MGST1: variants seen among roughly 807,000 people sequenced by gnomAD.
MGST1 encodes the protein glutathione S-transferase 12.
MGST1 carries 5 observed loss-of-function variants against 8.9 expected under a neutral mutation model. The observed-to-expected ratio is 0.56, with a 90% CI of 0.29 to 1.19. The LOEUF (loss-of-function observed/expected upper bound fraction) is 1.19, where lower values mean the gene tolerates loss of function less well. Ranked by LOEUF, MGST1 falls within the 50% of genes most tolerant of loss-of-function variation. The pLI is 0.08. For synonymous variants in MGST1, 54 were observed against 67.8 expected (o/e 0.80, Z 1.00); for missense variants, 182 against 187.4 (o/e 0.97, Z 0.17).
chr12:16,436,416 G>A (rs907665846), intron 1 of MGST1, among the ~76,000 whole-genome samples: 2 of 151,808 alleles, frequency 1.3e-5, no homozygotes, highest in Non-Finnish European at 2.9e-5. Flanking sequence ...TGCAGGATAG[G>A]TACTCTTCAT....
intron 1 of MGST1, chr12:16,350,724 C>T (rs1290636870): frequency 6.6e-6 from 1 of 152,248 alleles, no homozygotes; most frequent in Non-Finnish European, 1.5e-5. Context: ...CTTACCTTAA[C>T]TGCTCATTAC....
intron 4 of MGST1, among the ~76,000 whole-genome samples, chr12:16,461,179 GGA>G (rs1941216182): frequency 9.5e-5 from 1 of 10,558 alleles, no homozygotes; most frequent in Non-Finnish European, 2.3e-4. Flanking sequence ...AATGCCCAAA[GGA>G]AAAAAAAAAA....
At chr12:16,390,398 A>C (rs1940541394) in intron 1 of MGST1, among the ~76,000 whole-genome samples, 2 of 152,212 alleles carry the variant, frequency 1.3e-5, no homozygotes, top group African/African-American at 2.4e-5. Flanking sequence ...TCACCCAGGC[A>C]CTAAGCCTAG....
At chr12:16,439,527 A>G (rs1302014821), downstream of MGST1, among the ~76,000 whole-genome samples, 1 of 151,748 alleles carries the variant, frequency 6.6e-6, no homozygotes, top group African/African-American at 2.4e-5. Context: ...CTTGCCCTAG[A>G]GCATTGATTG....
intron 4 of MGST1, among the ~76,000 whole-genome samples, chr12:16,525,478 A>C (rs1412844174): frequency 2.0e-5 from 3 of 150,832 alleles, no homozygotes; most frequent in African/African-American, 7.3e-5. Flanking sequence ...TGAACTCATC[A>C]TTTTTTATGG....
intron 4 of MGST1, among the ~76,000 whole-genome samples, chr12:16,477,373 T>C (rs1044998117): frequency 1.3e-5 from 2 of 152,214 alleles, no homozygotes; most frequent in Non-Finnish European, 2.9e-5. Context: ...TGTGAACTTA[T>C]AAAATTTCAT....
chr12:16,352,947 A>G (rs950285805), intron 1 of MGST1, among the ~76,000 whole-genome samples: 4 of 152,040 alleles, frequency 2.6e-5, no homozygotes, highest in African/African-American at 9.7e-5. Flanking sequence ...TTATAAATTT[A>G]TTGAGGGTTT....
chr12:16,530,888 T>C (rs1463426884), intron 4 of MGST1, among the ~76,000 whole-genome samples: 1 of 152,040 alleles, frequency 6.6e-6, no homozygotes, highest in Non-Finnish European at 1.5e-5. Context: ...AGTAAGAGCA[T>C]GGTCTTTGCC....
intron 3 of MGST1, among the ~76,000 whole-genome samples, chr12:16,358,290 C>A (rs1939820503): frequency 6.6e-6 from 1 of 152,284 alleles, no homozygotes; most frequent in South Asian, 2.1e-4. Flanking sequence ...GTCTCCCCTT[C>A]TGTACTCCCT....
At chr12:16,417,453 G>A (rs1014509674) in intron 1 of MGST1, among the ~76,000 whole-genome samples, 1 of 152,100 alleles carries the variant, frequency 6.6e-6, no homozygotes, top group Non-Finnish European at 1.5e-5. Flanking sequence ...TTTTGGTGGG[G>A]ACAGAGAGCC....
Position 16,458,132 on chromosome 12 carries a change from G to T in MGST1, n.482+74528G>T, listed in dbSNP as rs547411483. 2.0e-5 allele frequency among the ~76,000 whole-genome samples: 3 copies of T among 151,912 alleles called. No individual in the cohort carries two copies. The highest frequency in any genetic ancestry group is 2.9e-5 in the Non-Finnish European group (2 of 67,918). ...AGAAGTGCAAAAGCGTGAACCCGAGGGTTACTGCATATTAATACTTTGGGA... is the reference window on the plus strand; with the variant it reads ...AGAAGTGCAAAAGCGTGAACCCGAGTGTTACTGCATATTAATACTTTGGGA... On this transcript the variant is annotated intron_variant and non_coding_transcript_variant, in intron 4 of 4. Coordinates refer to the MGST1 transcript ENST00000538857. This position sits in a 1 kb window ranked among gnomAD's most constrained non-coding sequence, Gnocchi z 4.0.
intron 4 of MGST1, among the ~76,000 whole-genome samples, chr12:16,462,113 C>A (rs1223404145): frequency 6.6e-6 from 1 of 152,084 alleles, no homozygotes; most frequent in East Asian, 1.9e-4. Flanking sequence ...ATTTGCTCCC[C>A]ATCTCACCTT....
At position 16,547,901 on chromosome 12, in the gene MGST1, G is replaced by A. The variant is rs1941847029; in HGVS notation, n.483-41627G>A. 6.6e-6 allele frequency among the ~76,000 whole-genome samples: 1 copy of A among 152,148 alleles called. No homozygotes were observed. Among genetic ancestry groups the A allele is most frequent in the East Asian group, 1.9e-4 (1 of 5,188 alleles). On this transcript the variant is annotated intron_variant and non_coding_transcript_variant, in intron 4 of 4. Transcript: ENST00000538857. This position sits in a 1 kb window ranked among gnomAD's most constrained non-coding sequence, Gnocchi z 4.6. The stretch of plus-strand genomic sequence containing the variant: ...TGATTCAGAGAGTGGTTTGCCTAAA[G>A]TGATAGTTAAAAGGAAAACACTTTT...
chr12:16,519,385 G>A (rs1245248839), intron 4 of MGST1, among the ~76,000 whole-genome samples: 2 of 152,170 alleles, frequency 1.3e-5, no homozygotes, highest in Admixed American at 1.3e-4. Flanking sequence ...ATGGGTTATA[G>A]AAAGACAGCT....
intron 4 of MGST1, among the ~76,000 whole-genome samples, chr12:16,457,491 G>A (rs1398741938): frequency 6.6e-6 from 1 of 151,954 alleles, no homozygotes; most frequent in Non-Finnish European, 1.5e-5. Flanking sequence ...TCTCATTTGT[G>A]ACAGTTGACT....
At chr12:16,530,698 C>T (rs1941717349) in intron 4 of MGST1, among the ~76,000 whole-genome samples, 1 of 152,170 alleles carries the variant, frequency 6.6e-6, no homozygotes, top group Admixed American at 6.5e-5. Context: ...CTCATTTCTA[C>T]CATGAAGTAA....
chr12:16,423,346 C>T (rs2137085793), intron 1 of MGST1, among the ~76,000 whole-genome samples: 1 of 152,262 alleles, frequency 6.6e-6, no homozygotes, highest in East Asian at 1.9e-4. Context: ...TAAGATTAGA[C>T]ATGAAGATAG....
At chr12:16,516,906 G>T (rs1357967006) in intron 4 of MGST1, among the ~76,000 whole-genome samples, 1 of 152,130 alleles carries the variant, frequency 6.6e-6, no homozygotes, top group African/African-American at 2.4e-5. Flanking sequence ...AATACTTTCA[G>T]AGATGACTTA....
At chr12:16,492,494 A>G (rs1941446368) in intron 4 of MGST1, among the ~76,000 whole-genome samples, 1 of 152,142 alleles carries the variant, frequency 6.6e-6, no homozygotes, top group Admixed American at 6.5e-5. Flanking sequence ...GTCACATTAA[A>G]TCATGTCATC....
Sources: gnomAD v4.1 joint callset for allele counts (sites outside exome capture counted in the v4.1 genomes callset) on GRCh38, gnomAD v4.1.1 for gene constraint, Gnocchi (gnomAD v3.1) non-coding constraint, MANE v1.5 for transcripts, NCBI Gene and HGNC (gene_info 2026-07-23, HGNC 2026-07-21) for gene names.